The following COL1A1 variants were observed in gnomAD, a reference collection of about 807,000 sequenced individuals.
COL1A1 encodes collagen type I alpha 1 chain, also known as collagen alpha-1(I) chain.
In COL1A1, 21 loss-of-function variants were observed where a neutral mutation model predicts 195.7. The ratio of observed to expected loss-of-function variants is 0.11; its 90% CI spans 0.08 to 0.15. COL1A1 has a LOEUF of 0.15. Among genes scored for constraint, COL1A1 ranks in the 10% least tolerant of loss-of-function variants. The pLI is 1.00. For synonymous variants in COL1A1, 749 were observed against 747.3 expected (o/e 1.00, Z -0.04); for missense variants, 1,365 against 2,051.0 (o/e 0.67, Z 6.46).
rs1907066485 is a variant in COL1A1, at chr17:50,191,433, T to C, written c.2185A>G (p.Met729Val). 6.2e-7 allele frequency: 1 copy of C among 1,613,864 alleles called. No homozygotes were observed. Among genetic ancestry groups the C allele is most frequent in the Non-Finnish European group, 8.5e-7 (1 of 1,179,894 alleles). ...GSQGAPGLQGMPGERGAAGLP... is the reference protein window; with the variant it reads ...GSQGAPGLQGVPGERGAAGLP... ...CCAGCTGCACCACGTTCACCAGGCA[T>C]TCCCTGAAGGCCAGGGGCGCCCTGG... Residue 729 changes from methionine to valine, a missense_variant, in exon 32 of 51, where the codon ATG (methionine) becomes GTG (valine). Physicochemically the swap from Met to Val is conservative, Grantham distance 21 (BLOSUM62 1). Transcript: ENST00000225964.
At position 50,188,972 on chromosome 17, in the gene COL1A1, A is replaced by T; in HGVS notation, c.2976T>A (p.Gly992=). The change falls in exon 41 of 51, where the codon GGT becomes GGA. Residue 992 remains glycine (G), a synonymous_variant. Transcript: ENST00000225964. The surrounding 1 kb of genome is among the most constrained non-coding windows in gnomAD (Gnocchi z 5.6). The part of the protein sequence containing the change: ...PGKQGPSGAS[G]ERGPPGPMGP... ...CCATGGGACCAGGGGGACCACGTTC[A>T]CCACTTGCTCCAGAGGGACCTTGTT... is the stretch of plus-strand genomic sequence containing the variant. 1 of 1,613,748 alleles carries T rather than the reference A, an allele frequency of 6.2e-7. No individual in the cohort carries two copies.
intron 1 of COL1A1, 144 bp from the exon 2 acceptor site, chr17:50,200,091 C>T: frequency 1.1e-6 from 1 of 915,232 alleles, no homozygotes; most frequent in South Asian, 1.4e-5. Flanking sequence ...CTTAAAAGCT[C>T]GCCTGCTCCT....
rs41316721 is a variant in COL1A1 at position 50,187,005 on chromosome 17, G to T, written c.3531+10C>A. 1.9e-3 allele frequency: 3,063 copies of T among 1,612,720 alleles called. 91 individuals carry two copies. The Admixed American group carries it at 0.048, about 25-fold the overall frequency. ...AGGGCCATGAGCAGAGGGGATGAGG[G>T]GCTACATACAACAGGACCAGCATCA... On this transcript the variant is annotated intron_variant, in intron 47 of 50. Transcript: ENST00000225964.
intron 29 of COL1A1, 128 bp from the exon 30 acceptor site, chr17:50,192,152 G>A (rs1399234455): frequency 1.9e-6 from 2 of 1,037,478 alleles, no homozygotes; most frequent in Non-Finnish European, 2.9e-6. Context: ...GCACTGAATT[G>A]AGATTATCCC....
chr17:50,185,226 G>A lies in COL1A1; in HGVS notation c.*276C>T. On this transcript the variant is annotated 3_prime_UTR_variant, in exon 51 of 51. Coordinates refer to ENST00000225964, the MANE Select transcript of COL1A1 (RefSeq NM_000088.4). Reference sequence around the variant, plus strand: ...ATGGGTCTTCAAGCAAGTGGACCAAGCTTCCTTTTTTAAAAAGTTATTTAT... The same window carrying A: ...ATGGGTCTTCAAGCAAGTGGACCAAACTTCCTTTTTTAAAAAGTTATTTAT... The A allele has an allele frequency of 2.4e-6, 1 of 415,902 alleles. No individual in the cohort carries two copies. The highest frequency in any genetic ancestry group is 2.9e-5 in the South Asian group (1 of 34,834). 25.8% of individuals were successfully genotyped at this position (415,902 alleles called of 1,614,324 possible). A position where few individuals can be genotyped will look rare whatever the true frequency, so the allele number is the denominator to read the frequency against.
chr17:50,196,418 C>T (rs764016308), intron 13 of COL1A1, 51 bp from the exon 14 acceptor site: 3 of 1,613,750 alleles, frequency 1.9e-6, no homozygotes, highest in African/African-American at 1.3e-5. Context: ...AGCCTTGTTC[C>T]CCCAGGCCTC....
intron 6 of COL1A1, 55 bp downstream of exon 6, chr17:50,198,378 C>A (rs2696251): frequency 6.3e-7 from 1 of 1,592,512 alleles, no homozygotes; most frequent in Non-Finnish European, 8.6e-7. Context: ...CTATGCCCAC[C>A]TCCTCTGGAT....
Position 50,191,883 on chromosome 17 carries a change from C to T in COL1A1, c.2032G>A (p.Glu678Lys), listed in dbSNP as rs1213427451. ...GAPGPSGARG[E>K]RGFPGERGVQ... Reference sequence around the variant, plus strand: ...CCACGCTCGCCAGGGAAACCTCTCTCGCCCTAGAAGGGAAGGACAGGGCAT... The same window carrying T: ...CCACGCTCGCCAGGGAAACCTCTCTTGCCCTAGAAGGGAAGGACAGGGCAT... The change falls in exon 31 of 51, where the codon GAG (glutamate) becomes AAG (lysine). Residue 678 changes from glutamate to lysine, a missense_variant. Physicochemically the swap from Glu to Lys is moderately conservative, Grantham distance 56 (BLOSUM62 1). Around this residue, in one of 5 missense-constraint regions of COL1A1, gnomAD observed 671 missense variants for 1,099.9 expected, o/e 0.61. Transcript: ENST00000225964. 2 of 1,601,846 alleles carry T rather than the reference C, an allele frequency of 1.2e-6. No individual in the cohort carries two copies. The highest frequency in any genetic ancestry group is 2.2e-5 in the East Asian group (1 of 44,546).
chr17:50,187,433 G>A, intron 46 of COL1A1, 51 bp downstream of exon 46: 1 of 1,601,074 alleles, frequency 6.2e-7, no homozygotes, highest in Non-Finnish European at 8.6e-7. Context: ...GGGTCCCCGA[G>A]GTGAGCCTGG....
At position 50,191,936 on chromosome 17, in the gene COL1A1, A is replaced by G. The variant is rs377113578; in HGVS notation, c.2028+44T>C. The G allele has an allele frequency of 4.2e-4, 675 of 1,609,736 alleles. 6 individuals are homozygous for G. Among genetic ancestry groups the G allele is most frequent in the Middle Eastern group, 8.3e-4 (5 of 6,058 alleles). ...GAAGGCTGCTCTGGAGATAGGGCCA[A>G]GTACGACGCACCTTGACGGATGCAG... On this transcript the variant is annotated intron_variant, in intron 30 of 50. Coordinates refer to ENST00000225964, the MANE Select transcript of COL1A1 (RefSeq NM_000088.4).
intron 1 of COL1A1, chr17:50,200,176 C>T (rs1382561525): frequency 3.4e-6 from 2 of 587,760 alleles, no homozygotes; most frequent in African/African-American, 1.9e-5. Flanking sequence ...GGAATTTAAA[C>T]AAAGCTTTAG....
chr17:50,200,896 G>A (rs1567765785), intron 1 of COL1A1, among the ~76,000 whole-genome samples: 1 of 152,130 alleles, frequency 6.6e-6, no homozygotes, highest in African/African-American at 2.4e-5. Flanking sequence ...GGGGCGCAAG[G>A]ACCCCGCCCC....
intron 15 of COL1A1, 29 bp downstream of exon 15, chr17:50,196,126 A>G: frequency 6.2e-7 from 1 of 1,613,850 alleles, no homozygotes; most frequent in East Asian, 2.2e-5. Context: ...CCCCACTCCC[A>G]GGCCCTGAGG....
intron 25 of COL1A1, 162 bp downstream of exon 25, chr17:50,193,781 G>T: frequency 2.7e-6 from 2 of 732,492 alleles, no homozygotes; most frequent in Non-Finnish European, 4.9e-6. Context: ...GTGCCCCGCC[G>T]AGAAGTCTTT....
intron 25 of COL1A1, chr17:50,193,484 C>CTTTTTTTT: frequency 5.9e-6 from 1 of 168,938 alleles, no homozygotes; most frequent in Non-Finnish European, 1.2e-5. Flanking sequence ...TTTCTTTCTT[C>CTTTTTTTT]TTTTTTTTTT....
chr17:50,187,473 G>T lies in COL1A1; in HGVS notation c.3423+11C>A. 1 of 1,613,914 alleles carries T rather than the reference G, an allele frequency of 6.2e-7. No individual in the cohort carries two copies. Among genetic ancestry groups the T allele is most frequent in the Non-Finnish European group, 8.5e-7 (1 of 1,179,898 alleles). On this transcript the variant is annotated intron_variant, in intron 46 of 50. Transcript: ENST00000225964. ...GGGGCTCAGGAAGAGGAGAGAGAAG[G>T]CATGACTTACTCGGGGACCAGCAGG...
In COL1A1 at chr17:50,194,372, C is replaced by T. The variant is rs1164884387; in HGVS notation, c.1591G>A (p.Glu531Lys). 6.2e-7 allele frequency: 1 copy of T among 1,614,018 alleles called. No individual in the cohort carries two copies. The highest frequency in any genetic ancestry group is 8.5e-7 in the Non-Finnish European group (1 of 1,180,032). The stretch of plus-strand genomic sequence containing the variant: ...ACCTTGGCACCAGGCAGACCAGCTT[C>T]ACCGGGACGACCAGCTTCACCAGGA... The part of the protein sequence containing the change: ...GSPGEAGRPG[E>K]AGLPGAKGLT... The change falls in exon 23 of 51, where the codon GAA becomes AAA. Residue 531 changes from glutamate (E) to lysine (K), a missense_variant. Glu to Lys is a moderately conservative substitution (Grantham distance 56). Transcript: ENST00000225964. The surrounding 1 kb of genome is among the most constrained non-coding windows in gnomAD (Gnocchi z 6.8).
chr17:50,200,274 G>T, intron 1 of COL1A1: 1 of 413,218 alleles, frequency 2.4e-6, no homozygotes, highest in East Asian at 5.1e-5. Flanking sequence ...GGAGGGCGGG[G>T]GGAGAATAGG....
Position 50,195,641 on chromosome 17 carries a change from G to A in COL1A1, c.1081C>T (p.Arg361Ter), listed in dbSNP as rs72645366. The A allele has an allele frequency of 1.2e-6, 2 of 1,613,754 alleles. No homozygotes were observed. The highest frequency in any genetic ancestry group is 8.5e-7 in the Non-Finnish European group (1 of 1,179,884). Residue 361 changes from arginine (R) to a stop codon, truncating the protein, a stop_gained, in exon 17 of 51, where the codon CGA becomes TGA. Transcript: ENST00000225964. LOFTEE classifies it high-confidence loss of function. This position sits in a 1 kb window ranked among gnomAD's most constrained non-coding sequence, Gnocchi z 4.3. ...ACACCCTGGGGACCTTCAGAGCCTCGGGGCCCTTGGGGACCAGCTTCACCC... is the reference window on the plus strand; with the variant it reads ...ACACCCTGGGGACCTTCAGAGCCTCAGGGCCCTTGGGGACCAGCTTCACCC... ...AKGEAGPQGPRGSEGPQGVRG... is the reference protein window; with the variant it reads ...AKGEAGPQGP
Sources: gnomAD v4.1 joint callset for allele counts (sites outside exome capture counted in the v4.1 genomes callset) on GRCh38, gnomAD v4.1.1 for gene constraint, gnomAD v4.1.1 regional missense constraint, Gnocchi (gnomAD v3.1) non-coding constraint, MANE v1.5 for transcripts, NCBI Gene and HGNC (gene_info 2026-07-23, HGNC 2026-07-21) for gene names.